The following PMVK variants were observed in gnomAD, a reference collection of about 807,000 sequenced individuals.
PMVK encodes testis tissue sperm-binding protein Li 95mP.
A neutral mutation model predicts 19.0 loss-of-function variants in PMVK; 10 were observed. The observed-to-expected ratio is 0.53, with a 90% CI of 0.32 to 0.89. The LOEUF (loss-of-function observed/expected upper bound fraction) is 0.89, where lower values mean the gene tolerates loss of function less well. Among genes scored for constraint, PMVK ranks in the 40% least tolerant of loss-of-function variants. PMVK has a pLI of 0.03. For missense variants in PMVK, 222 were observed against 251.1 expected (o/e 0.88, Z 0.78); for synonymous variants, 108 against 101.6 (o/e 1.06, Z -0.38).
At chr1:154,937,489 C>T (rs1654547247), upstream of PMVK, 1 of 152,232 alleles carries the variant, frequency 6.6e-6, no homozygotes, top group East Asian at 1.9e-4. Context: ...GCGTTGAATC[C>T]CTAGATGAGA....
At chr1:154,929,643 A>C (rs1654277985) in intron 2 of PMVK, among the ~76,000 whole-genome samples, 1 of 150,456 alleles carries the variant, frequency 6.6e-6, no homozygotes, top group Non-Finnish European at 1.5e-5. Flanking sequence ...TCTCCCCCTT[A>C]CCCCTTCCCA....
chr1:154,930,583 T>C (rs891509239), intron 2 of PMVK, among the ~76,000 whole-genome samples: 25 of 129,038 alleles, frequency 1.9e-4, no homozygotes, highest in African/African-American at 7.4e-4. Context: ...CTGGGAACTT[T>C]GGAAGATCAG....
Position 154,929,165 on chromosome 1 carries a change from C to T in PMVK, c.171G>A (p.Leu57=), listed in dbSNP as rs768352146. The change falls in exon 3 of 5, where the codon TTG becomes TTA. Residue 57 remains leucine, a synonymous_variant. Transcript: ENST00000368467. The stretch of plus-strand genomic sequence containing the variant: ...TGGTGTCCAGGAGTCTCTGGAAGTT[C>T]AAGCCATGCTCCTGCCCAAAGGACA... ...LKEQYAQEHG[L]NFQRLLDTST... is the part of the protein sequence containing the mutation. 1.7e-5 allele frequency: 28 copies of T among 1,613,976 alleles called. No homozygotes were observed. Among genetic ancestry groups the T allele is most frequent in the Middle Eastern group, 3.3e-4 (2 of 6,084 alleles).
chr1:154,927,813 A>T (rs534688324), intron 3 of PMVK, among the ~76,000 whole-genome samples: 9 of 152,256 alleles, frequency 5.9e-5, no homozygotes, highest in African/African-American at 1.9e-4. Context: ...GGTCTTGCTC[A>T]AACATCATCA....
chr1:154,937,012 A>C (rs1654531318), upstream of PMVK: 1 of 247,258 alleles, frequency 4.0e-6, no homozygotes, highest in Non-Finnish European at 8.1e-6. Context: ...TGGCCTGCTT[A>C]ACTGACACCC....
At chr1:154,931,064 C>T (rs12063681) in intron 2 of PMVK, among the ~76,000 whole-genome samples, 23 of 152,024 alleles carry the variant, frequency 1.5e-4, no homozygotes, top group Admixed American at 9.8e-4. Context: ...CTCCAGCCTG[C>T]GCTACAGAGC....
upstream of PMVK, among the ~76,000 whole-genome samples, chr1:154,940,579 A>G (rs948893756): frequency 6.6e-6 from 1 of 152,082 alleles, no homozygotes; most frequent in African/African-American, 2.4e-5. Context: ...AGCCTGAAAT[A>G]CCTTCCCCCA....
Position 154,930,611 on chromosome 1 carries a change from G to C in PMVK, c.160-1435C>G, listed in dbSNP as rs1484503692. Among the ~76,000 whole-genome samples the C allele has an allele frequency of 2.1e-5, 3 of 145,252 alleles. No individual in the cohort carries two copies. The Admixed American group carries it at 2.1e-4, about 10-fold the overall frequency. On this transcript the variant is annotated intron_variant, in intron 2 of 4. Transcript: ENST00000368467. ...AAGATCAGTTTTGAAAGTGCTCCTG[G>C]GAGGCCTTTGGAAGTGCCTAGGCCC... is the stretch of plus-strand genomic sequence containing the variant.
chr1:154,941,081 AG>A (rs1195151514), upstream of PMVK, among the ~76,000 whole-genome samples: 2 of 152,246 alleles, frequency 1.3e-5, no homozygotes, highest in Non-Finnish European at 2.9e-5. Context: ...CAAGGCCCAC[AG>A]GTGGGCAGCG....
In PMVK at chr1:154,929,150, G is replaced by A. The variant is rs746668899; in HGVS notation, c.186C>T (p.Leu62=). 3 of 1,614,028 alleles carry A rather than the reference G, an allele frequency of 1.9e-6. No homozygotes were observed. The highest frequency in any genetic ancestry group is 4.5e-5 in the East Asian group (2 of 44,880). Residue 62 remains leucine, a synonymous_variant, in exon 3 of 5, where the codon CTC becomes CTT. Transcript: ENST00000368467. ...CCTCCTTGTAGGTGCTGGTGTCCAG[G>A]AGTCTCTGGAAGTTCAAGCCATGCT... ...AQEHGLNFQR[L]LDTSTYKEAF... is the part of the protein sequence containing the mutation.
In PMVK at chr1:154,926,424, G is replaced by C; in HGVS notation, c.372C>G (p.Ala124=). 1 of 1,613,714 alleles carries C rather than the reference G, an allele frequency of 6.2e-7. No individual in the cohort carries two copies. The highest frequency in any genetic ancestry group is 8.5e-7 in the Non-Finnish European group (1 of 1,179,826). ...CTACAACGCGGACCGTCTGCGTCAC[G>C]GCCCCATAGGCCTCCCGAAACCACT... The part of the protein sequence containing the change: ...DIQWFREAYG[A]VTQTVRVVAL... Residue 124 remains alanine, a synonymous_variant, in exon 4 of 5, where the codon GCC becomes GCG. Coordinates refer to ENST00000368467, the MANE Select transcript of PMVK (RefSeq NM_006556.4).
upstream of PMVK, among the ~76,000 whole-genome samples, chr1:154,940,842 C>T (rs1347342987): frequency 2.0e-5 from 3 of 152,236 alleles, no homozygotes; most frequent in African/African-American, 7.2e-5. Context: ...GGGGAACCAA[C>T]ACCCTTTCCT....
At chr1:154,938,354 G>A (rs992256546), upstream of PMVK, among the ~76,000 whole-genome samples, 1 of 152,206 alleles carries the variant, frequency 6.6e-6, no homozygotes, top group African/African-American at 2.4e-5. Context: ...CGCACTTTGG[G>A]AGGCCAAGGC....
chr1:154,933,277 C>T (rs1016091387), intron 1 of PMVK, among the ~76,000 whole-genome samples: 2 of 151,534 alleles, frequency 1.3e-5, no homozygotes, highest in Non-Finnish European at 2.9e-5. Flanking sequence ...CTACTAAAAG[C>T]ATAAAATTAG....
chr1:154,936,636 T>C lies in PMVK; in HGVS notation c.50A>G (p.Lys17Arg). ...APRLVLLFSG[K>R]RKSGKDFVTE... The stretch of plus-strand genomic sequence containing the variant: ...CACGAAGTCCTTCCCGGATTTCCTC[T>C]TGCCGCTGAACAGCAGTACCAGCCG... Residue 17 changes from lysine (K) to arginine (R), a missense_variant, in exon 1 of 5, where the codon AAG becomes AGG. Transcript: ENST00000368467. The C allele has an allele frequency of 6.2e-7, 1 of 1,609,816 alleles. No individual in the cohort carries two copies. The highest frequency in any genetic ancestry group is 8.5e-7 in the Non-Finnish European group (1 of 1,178,422).
intron 1 of PMVK, chr1:154,936,271 G>T: frequency 2.2e-6 from 1 of 446,642 alleles, no homozygotes; most frequent in Non-Finnish European, 2.9e-6. Context: ...TCGTAGAGGC[G>T]GGGTCTCGCC....
intron 3 of PMVK, among the ~76,000 whole-genome samples, chr1:154,927,476 A>AAAC (rs1654202169): frequency 6.9e-6 from 1 of 143,916 alleles, no homozygotes; most frequent in African/African-American, 2.8e-5. Context: ...AAAAAAAAAA[A>AAAC]CACAGGAAAG....
Position 154,929,124 on chromosome 1 carries a change from G to T in PMVK, c.212C>A (p.Ala71Asp), listed in dbSNP as rs1205357327. Residue 71 changes from alanine (A) to aspartate (D), a missense_variant, in exon 3 of 5, where the codon GCC (alanine) becomes GAC (aspartate). By Grantham distance (126) the Ala-to-Asp change is moderately radical. Transcript: ENST00000368467. ...CCAGCGGATCATGTCCTTCCGAAAGGCCTCCTTGTAGGTGCTGGTGTCCAG... is the reference window on the plus strand; with the variant it reads ...CCAGCGGATCATGTCCTTCCGAAAGTCCTCCTTGTAGGTGCTGGTGTCCAG... ...RLLDTSTYKEAFRKDMIRWGE... is the reference protein window; with the variant it reads ...RLLDTSTYKEDFRKDMIRWGE... 6.2e-7 allele frequency: 1 copy of T among 1,613,870 alleles called. No homozygotes were observed. The highest frequency in any genetic ancestry group is 1.3e-5 in the African/African-American group (1 of 74,904).
At chr1:154,933,777 C>T (rs1306622566) in intron 1 of PMVK, among the ~76,000 whole-genome samples, 1 of 151,876 alleles carries the variant, frequency 6.6e-6, no homozygotes, top group African/African-American at 2.4e-5. Context: ...CAGACGTGAG[C>T]CACCGCACAC....
Sources: allele counts gnomAD v4.1 joint callset (sites outside exome capture counted in the v4.1 genomes callset), GRCh38; gene constraint gnomAD v4.1.1; transcripts MANE v1.5; gene names NCBI Gene and HGNC (gene_info 2026-07-23, HGNC 2026-07-21).